ACBD6: variants seen among roughly 807,000 people sequenced by gnomAD.
ACBD6 encodes the protein acyl-CoA-binding domain-containing protein 6.
ACBD6 carries 28 observed loss-of-function variants against 37.2 expected under a neutral mutation model. The observed-to-expected ratio is 0.75, with a 90% CI of 0.56 to 1.03. ACBD6 has a LOEUF of 1.03. Among genes scored for constraint, ACBD6 ranks in the 50% least tolerant of loss-of-function variants. The pLI is 0.00. For missense variants in ACBD6, 340 were observed against 337.4 expected (o/e 1.01, Z -0.06); for synonymous variants, 113 against 126.8 (o/e 0.89, Z 0.73).
At chr1:180,419,116 T>C (rs1437174420) in intron 4 of ACBD6, among the ~76,000 whole-genome samples, 2 of 151,886 alleles carry the variant, frequency 1.3e-5, no homozygotes, top group African/African-American at 4.8e-5. Flanking sequence ...CCAGGCATGG[T>C]GGTGGGCGCC....
intron 3 of ACBD6, among the ~76,000 whole-genome samples, chr1:180,443,004 T>C (rs75581262): frequency 6.6e-6 from 1 of 151,966 alleles, no homozygotes; most frequent in Admixed American, 6.5e-5. Context: ...CCCACTTTTT[T>C]TTTTCCTTTT....
At chr1:180,478,233 G>A (rs1285119972) in intron 3 of ACBD6, among the ~76,000 whole-genome samples, 3 of 151,788 alleles carry the variant, frequency 2.0e-5, no homozygotes, top group African/African-American at 7.3e-5. Context: ...TATTTATTAA[G>A]TACAGCTAAA....
intron 2 of ACBD6, among the ~76,000 whole-genome samples, 182 bp from the exon 3 acceptor site, chr1:180,492,547 T>C (rs1651546314): frequency 6.6e-6 from 1 of 152,240 alleles, no homozygotes; most frequent in South Asian, 2.1e-4. Flanking sequence ...CAGACCTTAT[T>C]GCCCTACCTA....
In ACBD6 at chr1:180,405,233, A is replaced by G. The variant is rs148163092; in HGVS notation, c.574-7628T>C. ...TGTTACTTAGTACTGTCACAGTTTCACCAGAGTTTGCAGCAGTTTCTCAAG... is the reference window on the plus strand; with the variant it reads ...TGTTACTTAGTACTGTCACAGTTTCGCCAGAGTTTGCAGCAGTTTCTCAAG... On this transcript the variant is annotated intron_variant, in intron 5 of 7. Coordinates refer to ENST00000367595, the MANE Select transcript of ACBD6 (RefSeq NM_032360.4). Among the ~76,000 whole-genome samples, 834 of 151,934 alleles carry G rather than the reference A, an allele frequency of 5.5e-3. 7 individuals are homozygous for G. Among genetic ancestry groups the G allele is most frequent in the African/African-American group, 0.019 (789 of 41,382 alleles).
chr1:180,501,931 C>T (rs61811621), intron 1 of ACBD6, 114 bp downstream of exon 1: 22,582 of 854,362 alleles, frequency 0.026, 458 homozygotes, highest in Non-Finnish European at 0.03. Flanking sequence ...AAACAAAATA[C>T]ACATACACAA....
chr1:180,472,048 C>G (rs1232819699), intron 3 of ACBD6, among the ~76,000 whole-genome samples: 1 of 152,142 alleles, frequency 6.6e-6, no homozygotes. Context: ...TAAAGTTATT[C>G]ACTTAATGAT....
chr1:180,321,764 GGA>G (rs1244205110), intron 6 of ACBD6, among the ~76,000 whole-genome samples: 3 of 152,026 alleles, frequency 2.0e-5, no homozygotes. Context: ...GTTTTACGGT[GGA>G]GTCTTTAGGT....
intron 1 of ACBD6, among the ~76,000 whole-genome samples, chr1:180,501,395 C>T (rs1387620541): frequency 6.6e-6 from 1 of 152,156 alleles, no homozygotes; most frequent in Non-Finnish European, 1.5e-5. Flanking sequence ...GTTGCCCAGG[C>T]TGGAGTGCAA....
intron 5 of ACBD6, among the ~76,000 whole-genome samples, chr1:180,412,340 T>A (rs1647896001): frequency 6.6e-6 from 1 of 152,192 alleles, no homozygotes. Flanking sequence ...TATAGGGAGC[T>A]CTGAATTACA....
At chr1:180,412,846 A>G (rs1647915575) in intron 5 of ACBD6, among the ~76,000 whole-genome samples, 1 of 152,210 alleles carries the variant, frequency 6.6e-6, no homozygotes, top group African/African-American at 2.4e-5. Context: ...AGCCTGGGCA[A>G]CAGAGTGAGA....
intron 3 of ACBD6, among the ~76,000 whole-genome samples, chr1:180,446,598 T>A (rs979181710): frequency 2.6e-5 from 4 of 152,182 alleles, no homozygotes; most frequent in Non-Finnish European, 5.9e-5. Flanking sequence ...AACTTTACCA[T>A]GAAAATATTG....
chr1:180,422,052 T>C (rs1557863089), intron 4 of ACBD6, among the ~76,000 whole-genome samples: 1 of 152,210 alleles, frequency 6.6e-6, no homozygotes, highest in African/African-American at 2.4e-5. Flanking sequence ...TCTCAAATCA[T>C]AGTAGAGTCT....
Position 180,408,007 on chromosome 1 carries a change from A to C in ACBD6, c.573+5359T>G, listed in dbSNP as rs145988580. 5.5e-3 allele frequency among the ~76,000 whole-genome samples: 834 copies of C among 152,322 alleles called. 7 individuals are homozygous for C. The highest frequency in any genetic ancestry group is 0.019 in the African/African-American group (789 of 41,578). On this transcript the variant is annotated intron_variant, in intron 5 of 7. Transcript: ENST00000367595. The stretch of plus-strand genomic sequence containing the variant: ...TAATAAAAGTAGATAAAATATACAG[A>C]CTGTCTCAACTGATCCAAAACCCTT...
At chr1:180,382,523 AT>A (rs1376415840) in intron 6 of ACBD6, among the ~76,000 whole-genome samples, 1 of 152,188 alleles carries the variant, frequency 6.6e-6, no homozygotes, top group East Asian at 1.9e-4. Flanking sequence ...TAAAACCTGA[AT>A]AGACCAACAG....
intron 6 of ACBD6, among the ~76,000 whole-genome samples, chr1:180,384,525 G>A (rs962929057): frequency 3.3e-5 from 5 of 152,126 alleles, no homozygotes; most frequent in Admixed American, 6.5e-5. Flanking sequence ...AGGATGCAGA[G>A]AAAAACTCTT....
intron 6 of ACBD6, among the ~76,000 whole-genome samples, chr1:180,372,626 G>A (rs577146273): frequency 2.8e-4 from 42 of 152,188 alleles, no homozygotes; most frequent in Non-Finnish European, 4.6e-4. Flanking sequence ...GGATTTTACC[G>A]GCAATGTGAG....
At chr1:180,300,070 C>T (rs528010027) in intron 7 of ACBD6, among the ~76,000 whole-genome samples, 1 of 152,260 alleles carries the variant, frequency 6.6e-6, no homozygotes, top group Admixed American at 6.5e-5. Context: ...TTACAACCTG[C>T]TTAAGGATGG....
At chr1:180,435,310 AGG>A in intron 3 of ACBD6, 1 of 488,770 alleles carries the variant, frequency 2.0e-6, no homozygotes, top group Non-Finnish European at 3.8e-6. Context: ...GTGCAGTGGC[AGG>A]ATCTCAGCTC....
At chr1:180,390,180 G>T (rs1271748924) in intron 6 of ACBD6, among the ~76,000 whole-genome samples, 7 of 152,046 alleles carry the variant, frequency 4.6e-5, no homozygotes, top group South Asian at 2.1e-4. Context: ...AATTTTTGTA[G>T]AAGGTGTAAG....
Sources: allele counts gnomAD v4.1 joint callset (sites outside exome capture counted in the v4.1 genomes callset), GRCh38; gene constraint gnomAD v4.1.1; transcripts MANE v1.5; gene names NCBI Gene and HGNC (gene_info 2026-07-23, HGNC 2026-07-21).